Variants in SYT2 observed in about 807,000 individuals in gnomAD.
SYT2 encodes the protein synaptotagmin-2.
A neutral mutation model predicts 39.9 loss-of-function variants in SYT2; 15 were observed. That is an observed-to-expected ratio of 0.38 (90% confidence interval 0.25 to 0.58). SYT2 has a LOEUF of 0.58. Among genes scored for constraint, SYT2 ranks in the 20% least tolerant of loss-of-function variants. The pLI, the probability that SYT2 is intolerant of heterozygous loss-of-function variation, is 0.70. For synonymous variants in SYT2, 181 were observed against 204.5 expected (o/e 0.89, Z 0.98); for missense variants, 389 against 530.3 (o/e 0.73, Z 2.62).
chr1:202,706,129 C>T (rs1654244702), intron 1 of SYT2, among the ~76,000 whole-genome samples: 1 of 152,130 alleles, frequency 6.6e-6, no homozygotes, highest in South Asian at 2.1e-4. Context: ...TTACCCATCA[C>T]TCTGGCTACT....
At chr1:202,642,732 G>A (rs1691953418) in intron 1 of SYT2, among the ~76,000 whole-genome samples, 1 of 152,210 alleles carries the variant, frequency 6.6e-6, no homozygotes, top group Non-Finnish European at 1.5e-5. Flanking sequence ...CTCTGCGCCA[G>A]GGGCTCCCCA....
chr1:202,619,190 A>G (rs1054473285), intron 1 of SYT2, among the ~76,000 whole-genome samples: 1 of 152,194 alleles, frequency 6.6e-6, no homozygotes, highest in African/African-American at 2.4e-5. Context: ...CGCCTCCCGC[A>G]TGGCTGGGAG....
intron 1 of SYT2, among the ~76,000 whole-genome samples, chr1:202,629,144 C>T (rs982520184): frequency 6.6e-6 from 1 of 152,166 alleles, no homozygotes; most frequent in East Asian, 1.9e-4. Flanking sequence ...TAAGCCAATA[C>T]CCTTTTTTTA....
chr1:202,702,025 C>T (rs964705030), intron 1 of SYT2, among the ~76,000 whole-genome samples: 11 of 152,230 alleles, frequency 7.2e-5, no homozygotes, highest in African/African-American at 2.7e-4. Flanking sequence ...TCCTCTGCCC[C>T]TTCCCCATTG....
At chr1:202,704,563 G>C (rs1484400373) in intron 1 of SYT2, among the ~76,000 whole-genome samples, 2 of 151,716 alleles carry the variant, frequency 1.3e-5, no homozygotes, top group Non-Finnish European at 2.9e-5. Context: ...TCTCAGGTCT[G>C]GAGTCTCCGA....
chr1:202,656,048 G>A (rs949522765), intron 1 of SYT2, among the ~76,000 whole-genome samples: 17 of 152,138 alleles, frequency 1.1e-4, no homozygotes, highest in African/African-American at 2.2e-4. Flanking sequence ...GAGAGGAGTG[G>A]GTGAACAGCG....
intron 1 of SYT2, among the ~76,000 whole-genome samples, chr1:202,635,323 G>T (rs1395226884): frequency 6.6e-6 from 1 of 152,136 alleles, no homozygotes; most frequent in African/African-American, 2.4e-5. Context: ...GGCCACTCAG[G>T]AAGTTCTCCC....
chr1:202,638,996 T>C (rs1285357349), intron 1 of SYT2, among the ~76,000 whole-genome samples: 1 of 152,206 alleles, frequency 6.6e-6, no homozygotes, highest in Non-Finnish European at 1.5e-5. Flanking sequence ...TATTTCTGTC[T>C]TTTGGTCTGT....
At chr1:202,600,616 GAGA>G (rs1690466560) in intron 6 of SYT2, 142 bp from the exon 7 acceptor site, 1 of 695,562 alleles carries the variant, frequency 1.4e-6, no homozygotes. Flanking sequence ...TGTGATGGCC[GAGA>G]AGGTCTTCCA....
At chr1:202,692,214 C>T (rs891102339) in intron 1 of SYT2, among the ~76,000 whole-genome samples, 3 of 152,090 alleles carry the variant, frequency 2.0e-5, no homozygotes, top group African/African-American at 7.2e-5. Context: ...TCCCCTCTAA[C>T]CCCTATGTAG....
intron 1 of SYT2, among the ~76,000 whole-genome samples, chr1:202,643,005 G>A (rs1430354193): frequency 6.6e-6 from 1 of 152,216 alleles, no homozygotes; most frequent in Non-Finnish European, 1.5e-5. Context: ...AGGGGTTCCC[G>A]AAATAATTCA....
chr1:202,679,488 A>T (rs978685256), intron 1 of SYT2, among the ~76,000 whole-genome samples: 1 of 152,214 alleles, frequency 6.6e-6, no homozygotes, highest in Non-Finnish European at 1.5e-5. Flanking sequence ...CTTAGAAATC[A>T]TCACAGAGCT....
rs192902915 is a variant in SYT2, at chr1:202,658,148, G to C, written c.-18+52110C>G. Among the ~76,000 whole-genome samples, 19 of 152,208 alleles carry C rather than the reference G, an allele frequency of 1.2e-4. 1 individual carries two copies. The highest frequency in any genetic ancestry group is 4.3e-4 in the African/African-American group (18 of 41,524). ...CTAGATGATCTCTTAGGGTCCTTTC[G>C]GCTCTGATATTCCATGGCTCTGTGA... On this transcript the variant is annotated intron_variant, in intron 1 of 8. Coordinates refer to ENST00000367268, the MANE Select transcript of SYT2 (RefSeq NM_177402.5).
intron 3 of SYT2, among the ~76,000 whole-genome samples, chr1:202,603,778 C>T (rs991509221): frequency 6.6e-6 from 1 of 152,134 alleles, no homozygotes; most frequent in African/African-American, 2.4e-5. Flanking sequence ...CATATACACA[C>T]ACACATGCAC....
intron 1 of SYT2, among the ~76,000 whole-genome samples, chr1:202,667,208 AAGG>A (rs1558454860): frequency 6.6e-6 from 1 of 152,150 alleles, no homozygotes; most frequent in South Asian, 2.1e-4. Context: ...GGAGGAAAAA[AAGG>A]AGGAGGTGGT....
In SYT2 at chr1:202,683,502, G is replaced by A. The variant is rs1653577899; in HGVS notation, c.-18+26756C>T. 2.0e-5 allele frequency among the ~76,000 whole-genome samples: 3 copies of A among 152,162 alleles called. No individual in the cohort carries two copies. The South Asian group carries it at 6.2e-4, about 32-fold the overall frequency. On this transcript the variant is annotated intron_variant, in intron 1 of 8. Coordinates refer to ENST00000367268, the MANE Select transcript of SYT2 (RefSeq NM_177402.5). ...CCTGTAATCCCAGCATTTTGGGGAG[G>A]TGGAGGCAGAAGGATTGCTTGAACC... is the stretch of plus-strand genomic sequence containing the variant.
intron 1 of SYT2, among the ~76,000 whole-genome samples, chr1:202,627,044 C>T (rs750008571): frequency 3.3e-4 from 50 of 152,174 alleles, no homozygotes; most frequent in African/African-American, 1.1e-3. Flanking sequence ...TTACCCACAA[C>T]GAGGGGTGCA....
intron 1 of SYT2, among the ~76,000 whole-genome samples, chr1:202,646,704 G>A (rs538958130): frequency 4.6e-5 from 7 of 152,314 alleles, no homozygotes; most frequent in South Asian, 2.1e-4. Context: ...AGAGACTAGC[G>A]CAGTGCCATT....
chr1:202,613,592 A>AAATCTTTC (rs1388973599), intron 1 of SYT2, among the ~76,000 whole-genome samples: 10 of 152,100 alleles, frequency 6.6e-5, no homozygotes, highest in African/African-American at 2.4e-4. Flanking sequence ...CTTTGGGGGA[A>AAATCTTTC]AATCTTTCAA....
Sources: gnomAD v4.1 joint callset for allele counts (sites outside exome capture counted in the v4.1 genomes callset) on GRCh38, gnomAD v4.1.1 for gene constraint, MANE v1.5 for transcripts, NCBI Gene and HGNC (gene_info 2026-07-23, HGNC 2026-07-21) for gene names.